The following FOXN1 variants were observed in gnomAD, a reference collection of about 807,000 sequenced individuals.
FOXN1 encodes the protein forkhead box N1.
In FOXN1, 15 loss-of-function variants were observed where a neutral mutation model predicts 49.0. The ratio of observed to expected loss-of-function variants is 0.31; its 90% CI spans 0.20 to 0.47. FOXN1 has a LOEUF of 0.47. Among genes scored for constraint, FOXN1 ranks in the 20% least tolerant of loss-of-function variants. The pLI is 1.00. For missense variants in FOXN1, 800 were observed against 842.8 expected (o/e 0.95, Z 0.63); for synonymous variants, 356 against 369.0 (o/e 0.96, Z 0.40).
At position 28,516,353 on chromosome 17, in the gene FOXN1, C is replaced by A. The variant is rs995051441; in HGVS notation, c.-14-7603C>A. ...GGTACACACCTCCACAGGTTACACA[C>A]CTCCACAGGATCCATACCTCCATAG... On this transcript the variant is annotated intron_variant, in intron 1 of 8. Transcript: ENST00000579795. Among the ~76,000 whole-genome samples the A allele has an allele frequency of 4.0e-5, 6 of 151,736 alleles. No individual in the cohort carries two copies. The South Asian group carries it at 1.2e-3, about 31-fold the overall frequency.
rs565842368 is a variant in FOXN1, at chr17:28,534,046, C to G, written c.928-285C>G. Among the ~76,000 whole-genome samples the G allele has an allele frequency of 1.3e-5, 2 of 152,302 alleles. No homozygotes were observed. The highest frequency in any genetic ancestry group is 2.1e-4 in the South Asian group (1 of 4,830). ...CCTCTGTAGCGCCCACCAGCCCTGG[C>G]TTTCCGAATCACCTCGGCAGTCCTC... On this transcript the variant is annotated intron_variant, in intron 6 of 8. Coordinates refer to ENST00000579795, the MANE Select transcript of FOXN1 (RefSeq NM_001369369.1). The surrounding 1 kb of genome is among the most constrained non-coding windows in gnomAD (Gnocchi z 4.1).
intron 3 of FOXN1, among the ~76,000 whole-genome samples, chr17:28,525,583 T>C (rs944735477): frequency 6.6e-6 from 1 of 152,198 alleles, no homozygotes; most frequent in African/African-American, 2.4e-5. Flanking sequence ...ATTACCTGTC[T>C]CATGGGATTG....
At position 28,535,205 on chromosome 17, in the gene FOXN1, T is replaced by C. The variant is rs905054182; in HGVS notation, c.1627+7T>C. 5 of 1,612,242 alleles carry C rather than the reference T, an allele frequency of 3.1e-6. No homozygotes were observed. The African/African-American group carries it at 6.7e-5, about 22-fold the overall frequency. On this transcript the variant is annotated splice_region_variant and intron_variant, in intron 8 of 8. Coordinates refer to ENST00000579795, the MANE Select transcript of FOXN1 (RefSeq NM_001369369.1). The stretch of plus-strand genomic sequence containing the variant: ...ACTGACTTCGACTTCCAGGGTGAGC[T>C]GGGGGTGGGAAAGGGAAGGTGGGAC...
intron 1 of FOXN1, among the ~76,000 whole-genome samples, chr17:28,519,200 G>T (rs1457197648): frequency 6.6e-6 from 1 of 152,116 alleles, no homozygotes; most frequent in Non-Finnish European, 1.5e-5. Context: ...GCGCGGTGGT[G>T]CACACCTGTA....
At chr17:28,522,148 A>G (rs2069654264) in intron 1 of FOXN1, among the ~76,000 whole-genome samples, 1 of 152,222 alleles carries the variant, frequency 6.6e-6, no homozygotes, top group South Asian at 2.1e-4. Flanking sequence ...CAGCATCCTC[A>G]TCTGGAAGGT....
chr17:28,531,632 C>T (rs1346296301), intron 6 of FOXN1, among the ~76,000 whole-genome samples: 7 of 152,128 alleles, frequency 4.6e-5, no homozygotes, highest in Non-Finnish European at 8.8e-5. Context: ...CCAGCACAGA[C>T]CCCCTTCTCC....
intron 1 of FOXN1, among the ~76,000 whole-genome samples, chr17:28,515,318 GA>G (rs779135457): frequency 4.7e-5 from 7 of 150,314 alleles, no homozygotes; most frequent in Non-Finnish European, 8.9e-5. Flanking sequence ...AAAGAGTACA[GA>G]GTACATACCT....
chr17:28,528,197 G>T (rs909868455), intron 4 of FOXN1, among the ~76,000 whole-genome samples: 3 of 152,202 alleles, frequency 2.0e-5, no homozygotes, highest in African/African-American at 7.2e-5. Flanking sequence ...GGCTTTGCAG[G>T]GAAAAGAAAG....
At position 28,527,107 on chromosome 17, in the gene FOXN1, G is replaced by A. The variant is rs1420148524; in HGVS notation, c.589-144G>A. ...GCTGAGTTCCCTTGGGAAAATCTCT[G>A]CCCTTCTCTGTTCTCTGTTGTTCTC... is the stretch of plus-strand genomic sequence containing the variant. On this transcript the variant is annotated intron_variant, in intron 3 of 8. Coordinates refer to ENST00000579795, the MANE Select transcript of FOXN1 (RefSeq NM_001369369.1). 4.3e-6 allele frequency: 3 copies of A among 705,652 alleles called. No individual in the cohort carries two copies. The East Asian group carries it at 8.1e-5, about 19-fold the overall frequency. 43.7% of individuals were successfully genotyped at this position (705,652 alleles called of 1,614,324 possible). A position where few individuals can be genotyped will look rare whatever the true frequency, so the allele number is the denominator to read the frequency against.
chr17:28,529,128 A>C lies in FOXN1; in HGVS notation c.734A>C (p.Tyr245Ser). 6.2e-7 allele frequency: 1 copy of C among 1,613,994 alleles called. No individual in the cohort carries two copies. Among genetic ancestry groups the C allele is most frequent in the Non-Finnish European group, 8.5e-7 (1 of 1,179,974 alleles). Residue 245 changes from tyrosine to serine, a missense_variant, in exon 5 of 9, where the codon TAC (tyrosine) becomes TCC (serine). Coordinates refer to ENST00000579795, the MANE Select transcript of FOXN1 (RefSeq NM_001369369.1). ...GGTGGTGGCAGCTACCCCATACCCT[A>C]CCTGGGCTCCTCACACTATCAGTAC... ...SPGGGSYPIP[Y>S]LGSSHYQYQR...
intron 1 of FOXN1, among the ~76,000 whole-genome samples, chr17:28,510,251 C>G (rs1157057900): frequency 1.3e-5 from 2 of 152,128 alleles, no homozygotes; most frequent in African/African-American, 4.8e-5. Flanking sequence ...CTGCCTCTGA[C>G]AAACTACAGC....
In FOXN1 at chr17:28,538,008, G is replaced by T. The variant is rs184800563; in HGVS notation, c.*572G>T. On this transcript the variant is annotated 3_prime_UTR_variant, in exon 9 of 9. Transcript: ENST00000579795. ...CCCCCATCTTCATCCCAACAGCCCAGCAAGAAGGAGGAGACAGAGAGCTCC... is the reference window on the plus strand; with the variant it reads ...CCCCCATCTTCATCCCAACAGCCCATCAAGAAGGAGGAGACAGAGAGCTCC... 1.0e-4 allele frequency: 17 copies of T among 162,812 alleles called. No homozygotes were observed. The East Asian group carries it at 2.5e-3, about 24-fold the overall frequency. The allele number at this position is 162,812 out of a possible 1,614,324, so 10.1% of individuals were successfully genotyped here. A position where few individuals can be genotyped will look rare whatever the true frequency, so the allele number is the denominator to read the frequency against.
chr17:28,510,231 G>A (rs1359650452), intron 1 of FOXN1, among the ~76,000 whole-genome samples: 1 of 152,006 alleles, frequency 6.6e-6, no homozygotes, highest in African/African-American at 2.4e-5. Flanking sequence ...GGCCTTCAGG[G>A]CTCCCCCCAC....
intron 1 of FOXN1, among the ~76,000 whole-genome samples, chr17:28,517,509 C>T (rs958538416): frequency 2.6e-5 from 4 of 151,206 alleles, no homozygotes; most frequent in African/African-American, 9.8e-5. Flanking sequence ...CCACAGGGTA[C>T]ACACCTCCAC....
At chr17:28,510,400 G>A (rs1555606828) in intron 1 of FOXN1, among the ~76,000 whole-genome samples, 2 of 148,364 alleles carry the variant, frequency 1.3e-5, no homozygotes, top group African/African-American at 5.0e-5. Flanking sequence ...AGACACACGC[G>A]CACGCACACA....
rs116814863 is a variant in FOXN1 at position 28,527,645 on chromosome 17, G to A, written c.699+284G>A. On this transcript the variant is annotated intron_variant, in intron 4 of 8. Coordinates refer to ENST00000579795, the MANE Select transcript of FOXN1 (RefSeq NM_001369369.1). ...AGATGGAGGCAGGGCTGTGATGTGAGCCAGAAATGGGGGAAGGAGGAGAGC... is the reference window on the plus strand; with the variant it reads ...AGATGGAGGCAGGGCTGTGATGTGAACCAGAAATGGGGGAAGGAGGAGAGC... Among the ~76,000 whole-genome samples, 846 of 152,272 alleles carry A rather than the reference G, an allele frequency of 5.6e-3. 7 individuals are homozygous for A. Among genetic ancestry groups the A allele is most frequent in the African/African-American group, 0.019 (806 of 41,556 alleles).
chr17:28,528,974 G>C, intron 4 of FOXN1, 120 bp from the exon 5 acceptor site: 1 of 1,330,122 alleles, frequency 7.5e-7, no homozygotes, highest in Non-Finnish European at 1.1e-6. Flanking sequence ...TGGGGCCCAT[G>C]ACCCAGGAGG....
intron 6 of FOXN1, among the ~76,000 whole-genome samples, chr17:28,531,315 C>G (rs535881233): frequency 6.6e-6 from 1 of 152,208 alleles, no homozygotes; most frequent in African/African-American, 2.4e-5. Context: ...CTGTGGGTGG[C>G]AGGCTCAGCT....
chr17:28,517,708 G>A (rs1224285579), intron 1 of FOXN1, among the ~76,000 whole-genome samples: 1 of 87,554 alleles, frequency 1.1e-5, no homozygotes, highest in Admixed American at 9.7e-5. Flanking sequence ...CACCTCCACA[G>A]GGTACAGACC....
Sources: gnomAD v4.1 joint callset for allele counts (sites outside exome capture counted in the v4.1 genomes callset) on GRCh38, gnomAD v4.1.1 for gene constraint, Gnocchi (gnomAD v3.1) non-coding constraint, MANE v1.5 for transcripts, NCBI Gene and HGNC (gene_info 2026-07-23, HGNC 2026-07-21) for gene names.